Variants in ASTN2 observed in about 807,000 individuals in gnomAD.
ASTN2 encodes astrotactin-2.
A neutral mutation model predicts 139.8 loss-of-function variants in ASTN2; 54 were observed. The ratio of observed to expected loss-of-function variants is 0.39; its 90% CI spans 0.31 to 0.48. The LOEUF (loss-of-function observed/expected upper bound fraction) is 0.48, where lower values mean the gene tolerates loss of function less well. Among genes scored for constraint, ASTN2 ranks in the 20% least tolerant of loss-of-function variants. The pLI, the probability that ASTN2 is intolerant of heterozygous loss-of-function variation, is 0.95. For synonymous variants in ASTN2, 756 were observed against 719.5 expected (o/e 1.05, Z -0.81); for missense variants, 1,565 against 1,725.1 (o/e 0.91, Z 1.64).
At chr9:116,751,904 T>C (rs1409084311) in intron 13 of ASTN2, among the ~76,000 whole-genome samples, 3 of 152,206 alleles carry the variant, frequency 2.0e-5, no homozygotes, top group Admixed American at 2.0e-4. Context: ...TTCAATATTG[T>C]TAATATGTCA....
intron 10 of ASTN2, among the ~76,000 whole-genome samples, chr9:116,916,862 C>G (rs1249693432): frequency 6.6e-6 from 1 of 151,738 alleles, no homozygotes; most frequent in Admixed American, 6.6e-5. Flanking sequence ...AAAAACAAAA[C>G]CAATATGAAT....
intron 16 of ASTN2, chr9:116,686,833 C>G (rs1364024890): frequency 6.5e-7 from 1 of 1,550,310 alleles, no homozygotes; most frequent in East Asian, 2.4e-5. Flanking sequence ...GTGCAGCTCT[C>G]TGTCAGAGCA....
intron 1 of ASTN2, among the ~76,000 whole-genome samples, chr9:117,327,041 G>C (rs1285272443): frequency 2.0e-5 from 3 of 152,146 alleles, no homozygotes; most frequent in African/African-American, 7.2e-5. Flanking sequence ...GGATAAAACT[G>C]CTCCACCTCA....
At chr9:116,998,557 C>CCATCCATA (rs1172519096) in intron 7 of ASTN2, among the ~76,000 whole-genome samples, 9 of 152,004 alleles carry the variant, frequency 5.9e-5, no homozygotes, top group Middle Eastern at 3.4e-3. Context: ...TTTCATCCAT[C>CCATCCATA]CATCCATCCA....
chr9:117,376,672 G>C (rs1428635071), intron 1 of ASTN2, among the ~76,000 whole-genome samples: 1 of 152,170 alleles, frequency 6.6e-6, no homozygotes, highest in African/African-American at 2.4e-5. Context: ...CAGATCTTCT[G>C]ACTGTAGTCA....
intron 2 of ASTN2, among the ~76,000 whole-genome samples, chr9:117,227,446 G>C (rs1832751627): frequency 6.6e-6 from 1 of 152,166 alleles, no homozygotes; most frequent in African/African-American, 2.4e-5. Flanking sequence ...TTTTTGGAGT[G>C]TATGAATAGA....
chr9:117,011,341 T>C (rs536004640), intron 6 of ASTN2, among the ~76,000 whole-genome samples: 1 of 152,286 alleles, frequency 6.6e-6, no homozygotes, highest in Non-Finnish European at 1.5e-5. Flanking sequence ...GTGGAGCCCC[T>C]AAATGGGATG....
intron 13 of ASTN2, among the ~76,000 whole-genome samples, chr9:116,742,178 T>C (rs1259066420): frequency 2.0e-5 from 3 of 152,378 alleles, no homozygotes; most frequent in East Asian, 1.9e-4. Context: ...CCTCTCAAAG[T>C]TGACTTTGCA....
In ASTN2 at chr9:116,425,934, T is replaced by C. The variant is rs1847293179; in HGVS notation, c.3937A>G (p.Ile1313Val). The C allele has an allele frequency of 6.2e-7, 1 of 1,614,044 alleles. No homozygotes were observed. Among genetic ancestry groups the C allele is most frequent in the African/African-American group, 1.3e-5 (1 of 74,922 alleles). Residue 1313 changes from isoleucine (I) to valine (V), a missense_variant, in exon 23 of 23, where the codon ATC becomes GTC. Transcript: ENST00000313400. ...VRPAGMVWYSILKDTKITCEE... is the reference protein window; with the variant it reads ...VRPAGMVWYSVLKDTKITCEE... ...CACGTGATTTTGGTGTCCTTGAGGA[T>C]GCTATACCACACCATGCCTGCAGGC... is the stretch of plus-strand genomic sequence containing the variant.
At chr9:117,122,617 A>G (rs577864862) in intron 4 of ASTN2, among the ~76,000 whole-genome samples, 1 of 152,260 alleles carries the variant, frequency 6.6e-6, no homozygotes, top group East Asian at 1.9e-4. Context: ...TAAGGTGTGG[A>G]TGCATGATTC....
chr9:117,317,074 C>G (rs1828166288), intron 1 of ASTN2, among the ~76,000 whole-genome samples: 1 of 152,076 alleles, frequency 6.6e-6, no homozygotes, highest in African/African-American at 2.4e-5. Flanking sequence ...CCTCTACTTT[C>G]CCTCCCCTAT....
chr9:116,949,534 G>T (rs552204835), intron 10 of ASTN2, among the ~76,000 whole-genome samples: 11 of 152,262 alleles, frequency 7.2e-5, no homozygotes, highest in African/African-American at 2.6e-4. Flanking sequence ...GAAGAGACTG[G>T]GTGAAGTTGA....
chr9:117,032,472 T>G (rs1838274656), intron 6 of ASTN2, among the ~76,000 whole-genome samples: 1 of 152,146 alleles, frequency 6.6e-6, no homozygotes, highest in Non-Finnish European at 1.5e-5. Context: ...CTGGGATGAT[T>G]TCATAGAGCA....
intron 3 of ASTN2, among the ~76,000 whole-genome samples, chr9:117,162,487 G>A (rs1391905314): frequency 6.6e-6 from 1 of 152,034 alleles, no homozygotes; most frequent in African/African-American, 2.4e-5. Flanking sequence ...CAGGTAGGAT[G>A]ACAAACCAGA....
intron 7 of ASTN2, among the ~76,000 whole-genome samples, chr9:116,978,843 G>A (rs1836431129): frequency 6.6e-6 from 1 of 152,064 alleles, no homozygotes; most frequent in Admixed American, 6.6e-5. Flanking sequence ...TACTGAGGAT[G>A]AGTCAAGATG....
chr9:116,830,710 TGAA>T (rs1831784657), intron 11 of ASTN2, among the ~76,000 whole-genome samples: 1 of 149,650 alleles, frequency 6.7e-6, no homozygotes, highest in African/African-American at 2.5e-5. Flanking sequence ...GAGAATCACT[TGAA>T]CCCAGGAGGC....
At chr9:117,059,393 C>T (rs1200843532) in intron 5 of ASTN2, among the ~76,000 whole-genome samples, 1 of 151,898 alleles carries the variant, frequency 6.6e-6, no homozygotes, top group East Asian at 1.9e-4. Context: ...GTGGGCGAAT[C>T]ACGAGGTCAG....
chr9:116,425,847 T>G lies in ASTN2; in HGVS notation c.*4A>C. ...TCTGTGCTCACGGAGGGCAATACCCTCCCTCACCGGCCCTTGGACTCCCCG... is the reference window on the plus strand; with the variant it reads ...TCTGTGCTCACGGAGGGCAATACCCGCCCTCACCGGCCCTTGGACTCCCCG... On this transcript the variant is annotated 3_prime_UTR_variant, in exon 23 of 23. Coordinates refer to ENST00000313400, the MANE Select transcript of ASTN2 (RefSeq NM_001365068.1). The G allele has an allele frequency of 6.3e-7, 1 of 1,586,438 alleles. No individual in the cohort carries two copies. The highest frequency in any genetic ancestry group is 8.6e-7 in the Non-Finnish European group (1 of 1,162,510).
Position 116,698,696 on chromosome 9 carries a change from C to T in ASTN2, c.2806+27075G>A. 2 of 1,614,174 alleles carry T rather than the reference C, an allele frequency of 1.2e-6. No homozygotes were observed. The highest frequency in any genetic ancestry group is 1.7e-6 in the Non-Finnish European group (2 of 1,180,040). On this transcript the variant is annotated intron_variant, in intron 16 of 22. Coordinates refer to ENST00000313400, the MANE Select transcript of ASTN2 (RefSeq NM_001365068.1). This position sits in a 1 kb window ranked among gnomAD's most constrained non-coding sequence, Gnocchi z 4.4. ...AGGCCACAGCGTCTGCTGCCTCTAC[C>T]TCTGTTACTTTTAGAGAGATGGACA...
Sources: gnomAD v4.1 joint callset for allele counts (sites outside exome capture counted in the v4.1 genomes callset) on GRCh38, gnomAD v4.1.1 for gene constraint, Gnocchi (gnomAD v3.1) non-coding constraint, MANE v1.5 for transcripts, NCBI Gene and HGNC (gene_info 2026-07-23, HGNC 2026-07-21) for gene names.